Variants in CAMSAP1 observed in about 807,000 individuals in gnomAD.
The protein encoded by CAMSAP1 is calmodulin-regulated spectrin-associated protein 1.
In CAMSAP1, 58 loss-of-function variants were observed where a neutral mutation model predicts 143.5. The observed-to-expected ratio is 0.40, with a 90% CI of 0.33 to 0.50. The LOEUF (loss-of-function observed/expected upper bound fraction) is 0.50, where lower values mean the gene tolerates loss of function less well. Ranked by LOEUF, CAMSAP1 falls within the 20% of genes least tolerant of loss-of-function variation. CAMSAP1 has a pLI of 0.45. For missense variants in CAMSAP1, 1,969 were observed against 2,115.7 expected, an observed-to-expected ratio of 0.93 and a Z score of 1.36; for synonymous variants, 945 against 859.3, an observed-to-expected ratio of 1.10 and a Z score of -1.74.
chr9:135,868,259 A>G (rs1390458612), intron 3 of CAMSAP1, among the ~76,000 whole-genome samples: 1 of 152,140 alleles, frequency 6.6e-6, no homozygotes. Flanking sequence ...TTATAGTACA[A>G]CTTCTTTTGT....
chr9:135,819,370 T>C (rs1835357824), intron 11 of CAMSAP1, among the ~76,000 whole-genome samples: 1 of 152,156 alleles, frequency 6.6e-6, no homozygotes, highest in South Asian at 2.1e-4. Flanking sequence ...TCTCACGAGA[T>C]CCAGTTTGCC....
In CAMSAP1 at chr9:135,818,110, T is replaced by C. The variant is rs201767489; in HGVS notation, c.4169-31A>G. On this transcript the variant is annotated intron_variant, in intron 13 of 16. Coordinates refer to ENST00000389532, the MANE Select transcript of CAMSAP1 (RefSeq NM_015447.4). This position sits in a 1 kb window ranked among gnomAD's most constrained non-coding sequence, Gnocchi z 7.7. The stretch of plus-strand genomic sequence containing the variant: ...AGAGACAGAAACAGACGACGGTTCA[T>C]GAACGGATTCCGACAGACAAGTACC... The C allele has an allele frequency of 1.9e-6, 3 of 1,605,564 alleles. No homozygotes were observed. Among genetic ancestry groups the C allele is most frequent in the Middle Eastern group, 1.7e-4 (1 of 6,054 alleles).
At chr9:135,851,842 C>T (rs758136253) in intron 5 of CAMSAP1, among the ~76,000 whole-genome samples, 2 of 152,254 alleles carry the variant, frequency 1.3e-5, no homozygotes, top group Non-Finnish European at 2.9e-5. Context: ...ACAAAGCTTG[C>T]GTGTGCTGTC....
intron 8 of CAMSAP1, among the ~76,000 whole-genome samples, chr9:135,825,938 G>A (rs1344795707): frequency 1.3e-5 from 2 of 152,198 alleles, no homozygotes; most frequent in Non-Finnish European, 2.9e-5. Flanking sequence ...GCTCAAGGCA[G>A]GGAGCCCGGG....
chr9:135,856,209 G>A (rs1389424624), intron 5 of CAMSAP1, among the ~76,000 whole-genome samples: 2 of 152,174 alleles, frequency 1.3e-5, no homozygotes, highest in Non-Finnish European at 2.9e-5. Flanking sequence ...CAGTTTATTG[G>A]ACTTACAGTT....
chr9:135,896,383 T>C (rs1296973776), intron 1 of CAMSAP1, among the ~76,000 whole-genome samples: 1 of 151,928 alleles, frequency 6.6e-6, no homozygotes, highest in Non-Finnish European at 1.5e-5. Context: ...AGCCTCAAAG[T>C]ACATGAAAAA....
intron 1 of CAMSAP1, among the ~76,000 whole-genome samples, chr9:135,904,492 G>A (rs1364846118): frequency 6.6e-6 from 1 of 151,706 alleles, no homozygotes; most frequent in Non-Finnish European, 1.5e-5. Flanking sequence ...ACCAGCCTGG[G>A]AAACACAGGC....
At chr9:135,817,361 T>C (rs1028729734) in intron 14 of CAMSAP1, among the ~76,000 whole-genome samples, 17 of 152,146 alleles carry the variant, frequency 1.1e-4, no homozygotes, top group African/African-American at 3.4e-4. Context: ...AGGCCAGACA[T>C]CTCCAACGGA....
chr9:135,832,558 T>C (rs930968269), intron 7 of CAMSAP1, among the ~76,000 whole-genome samples: 1 of 152,108 alleles, frequency 6.6e-6, no homozygotes, highest in Admixed American at 6.6e-5. Context: ...TACTGGAAAT[T>C]CTAGTCAGAT....
At chr9:135,838,889 C>T (rs1836235137) in intron 7 of CAMSAP1, among the ~76,000 whole-genome samples, 1 of 152,164 alleles carries the variant, frequency 6.6e-6, no homozygotes, top group Admixed American at 6.5e-5. Context: ...TACCTTCTAC[C>T]CTGTTCTACA....
chr9:135,899,862 T>C (rs1838564925), intron 1 of CAMSAP1, among the ~76,000 whole-genome samples: 1 of 152,118 alleles, frequency 6.6e-6, no homozygotes, highest in African/African-American at 2.4e-5. Context: ...TCTCCCTCCC[T>C]CTACTCCCCT....
At chr9:135,894,622 C>CTA (rs1838392124) in intron 1 of CAMSAP1, among the ~76,000 whole-genome samples, 1 of 152,156 alleles carries the variant, frequency 6.6e-6, no homozygotes, top group Non-Finnish European at 1.5e-5. Flanking sequence ...ACCACAAAGG[C>CTA]TAGGAAGGTC....
At chr9:135,874,229 G>A (rs1051729397) in intron 3 of CAMSAP1, among the ~76,000 whole-genome samples, 5 of 152,142 alleles carry the variant, frequency 3.3e-5, no homozygotes, top group South Asian at 2.1e-4. Flanking sequence ...CTGGCCAGGC[G>A]TCGGAGGCCA....
At chr9:135,867,442 G>A (rs1271600978) in intron 3 of CAMSAP1, among the ~76,000 whole-genome samples, 3 of 150,016 alleles carry the variant, frequency 2.0e-5, no homozygotes, top group Admixed American at 6.6e-5. Context: ...TCCAAAAACC[G>A]CACGCCAGCC....
chr9:135,838,807 C>G (rs113495454), intron 7 of CAMSAP1, among the ~76,000 whole-genome samples: 1,869 of 150,888 alleles, frequency 0.012, 49 homozygotes, highest in African/African-American at 0.043. Flanking sequence ...TCATCACGCA[C>G]TTTCTACCCC....
chr9:135,877,935 T>A (rs773746388), intron 3 of CAMSAP1, among the ~76,000 whole-genome samples: 1 of 152,144 alleles, frequency 6.6e-6, no homozygotes, highest in African/African-American at 2.4e-5. Context: ...GAGGAAAACC[T>A]GAGTGAGGTC....
intron 1 of CAMSAP1, among the ~76,000 whole-genome samples, chr9:135,885,385 G>C (rs1838090657): frequency 6.6e-6 from 1 of 152,164 alleles, no homozygotes; most frequent in Non-Finnish European, 1.5e-5. Flanking sequence ...CTCCCACTTA[G>C]ACAACTGTGA....
At chr9:135,859,798 A>T (rs1312210724) in intron 5 of CAMSAP1, among the ~76,000 whole-genome samples, 1 of 152,140 alleles carries the variant, frequency 6.6e-6, no homozygotes, top group Non-Finnish European at 1.5e-5. Flanking sequence ...ATAATTGGCA[A>T]TGACCCTGTA....
At position 135,907,230 on chromosome 9, in the gene CAMSAP1, C is replaced by G; in HGVS notation, c.-71G>C. ...CCGCCGCCCCTCGCCGCGCCGGGCC[C>G]GGTGCGCCCCGAGCCACCACTCGGC... On this transcript the variant is annotated 5_prime_UTR_variant, in exon 1 of 17. Coordinates refer to ENST00000389532, the MANE Select transcript of CAMSAP1 (RefSeq NM_015447.4). The G allele has an allele frequency of 2.1e-6, 2 of 960,880 alleles. No individual in the cohort carries two copies. Among genetic ancestry groups the G allele is most frequent in the South Asian group, 9.6e-5 (2 of 20,866 alleles). The allele number at this position is 960,880 out of a possible 1,614,324, so 59.5% of individuals were successfully genotyped here.
Sources: allele counts gnomAD v4.1 joint callset (sites outside exome capture counted in the v4.1 genomes callset), GRCh38; gene constraint gnomAD v4.1.1; non-coding constraint Gnocchi (gnomAD v3.1); transcripts MANE v1.5; gene names NCBI Gene and HGNC (gene_info 2026-07-23, HGNC 2026-07-21).